Variants in KLHL32 observed in about 807,000 individuals in gnomAD.
KLHL32 encodes the protein kelch-like protein 32.
Under a neutral mutation model 64.8 loss-of-function variants are expected in KLHL32, and 35 were observed. The observed-to-expected ratio is 0.54, with a 90% CI of 0.41 to 0.72. The LOEUF (loss-of-function observed/expected upper bound fraction) is 0.72, where lower values mean the gene tolerates loss of function less well. KLHL32 is among the 30% of genes least tolerant of loss of function. The probability of loss-of-function intolerance (pLI) is 0.00; values close to 1 mark genes in which losing one functional copy is unlikely to be tolerated. For missense variants in KLHL32, 589 were observed against 768.5 expected (o/e 0.77, Z 2.76); for synonymous variants, 259 against 281.0 (o/e 0.92, Z 0.78).
At chr6:97,005,449 T>C (rs1283360117) in intron 3 of KLHL32, among the ~76,000 whole-genome samples, 5 of 152,160 alleles carry the variant, frequency 3.3e-5, no homozygotes, top group Admixed American at 1.3e-4. Flanking sequence ...TTTGTTGAAC[T>C]TTTGTATGGT....
At position 97,130,856 on chromosome 6, in the gene KLHL32, G is replaced by T; in HGVS notation, c.1513G>T (p.Asp505Tyr). The T allele has an allele frequency of 3.1e-6, 5 of 1,614,116 alleles. No individual in the cohort carries two copies. The highest frequency in any genetic ancestry group is 4.2e-6 in the Non-Finnish European group (5 of 1,179,980). Residue 505 changes from aspartate to tyrosine, a missense_variant, in exon 9 of 11, where the codon GAC becomes TAC. Coordinates refer to ENST00000369261, the MANE Select transcript of KLHL32 (RefSeq NM_052904.4). ...KLYVLGGNDL[D>Y]YNNDRILVRH... ...TTATGTTCTTGGAGGCAATGACCTA[G>T]ACTACAATAATGACCGGATCCTTGT...
intron 3 of KLHL32, among the ~76,000 whole-genome samples, chr6:97,024,795 A>T (rs941641387): frequency 9.9e-5 from 15 of 152,202 alleles, no homozygotes; most frequent in Non-Finnish European, 2.1e-4. Flanking sequence ...ATAGTTTTAA[A>T]GTAATAATAA....
chr6:97,113,272 T>C (rs1283894063), intron 6 of KLHL32, among the ~76,000 whole-genome samples: 1 of 152,204 alleles, frequency 6.6e-6, no homozygotes, highest in Non-Finnish European at 1.5e-5. Context: ...ATCATTCTGC[T>C]AGTGTTATGT....
chr6:96,990,589 G>C (rs1381671989), intron 3 of KLHL32, among the ~76,000 whole-genome samples: 2 of 152,162 alleles, frequency 1.3e-5, no homozygotes, highest in African/African-American at 2.4e-5. Flanking sequence ...CTCAGGCTTT[G>C]TGTGTCCTCT....
intron 2 of KLHL32, among the ~76,000 whole-genome samples, chr6:96,971,675 A>G (rs1342370485): frequency 6.6e-6 from 1 of 152,096 alleles, no homozygotes; most frequent in Non-Finnish European, 1.5e-5. Context: ...AAATACAGGG[A>G]CAGCAGTTCG....
intron 5 of KLHL32, among the ~76,000 whole-genome samples, chr6:97,075,742 T>TATG (rs2128168350): frequency 6.6e-6 from 1 of 152,312 alleles, no homozygotes; most frequent in Admixed American, 6.5e-5. Flanking sequence ...ACATAATACC[T>TATG]TGATTTATAA....
intron 5 of KLHL32, among the ~76,000 whole-genome samples, chr6:97,081,171 G>T (rs1310460344): frequency 1.3e-5 from 2 of 152,162 alleles, no homozygotes; most frequent in East Asian, 3.8e-4. Context: ...AAGGAGTGAG[G>T]GGGGAAAAGT....
At chr6:96,944,121 T>C (rs1388322130) in intron 1 of KLHL32, among the ~76,000 whole-genome samples, 3 of 152,284 alleles carry the variant, frequency 2.0e-5, no homozygotes, top group Admixed American at 2.0e-4. Context: ...ATATCAAAGA[T>C]GGGAGCAACT....
intron 3 of KLHL32, among the ~76,000 whole-genome samples, chr6:96,997,483 C>T (rs72926883): frequency 0.055 from 8,403 of 152,106 alleles, 303 homozygotes; most frequent in Middle Eastern, 0.12. Context: ...CATGGTGGCT[C>T]GTAAATGTAA....
At chr6:97,096,446 C>T (rs1795001793) in intron 6 of KLHL32, among the ~76,000 whole-genome samples, 1 of 152,218 alleles carries the variant, frequency 6.6e-6, no homozygotes, top group Non-Finnish European at 1.5e-5. Flanking sequence ...TTCACCACTC[C>T]AAGCGTATAT....
At chr6:96,960,179 T>C (rs568086204) in intron 1 of KLHL32, among the ~76,000 whole-genome samples, 2 of 152,314 alleles carry the variant, frequency 1.3e-5, no homozygotes, top group East Asian at 3.9e-4. Context: ...ATCTTCATCA[T>C]TATCATCATT....
At chr6:97,072,254 A>G (rs111532691) in intron 5 of KLHL32, among the ~76,000 whole-genome samples, 4 of 152,186 alleles carry the variant, frequency 2.6e-5, no homozygotes, top group Non-Finnish European at 4.4e-5. Flanking sequence ...ACTGTCTTCA[A>G]TCAGATCCAC....
chr6:97,014,158 G>A (rs1780795650), intron 3 of KLHL32, among the ~76,000 whole-genome samples: 1 of 152,076 alleles, frequency 6.6e-6, no homozygotes, highest in Non-Finnish European at 1.5e-5. Context: ...GCCGGGCGTT[G>A]TGGTGGGCGC....
intron 4 of KLHL32, among the ~76,000 whole-genome samples, chr6:97,061,219 C>G (rs1411559439): frequency 6.6e-6 from 1 of 152,128 alleles, no homozygotes; most frequent in Non-Finnish European, 1.5e-5. Flanking sequence ...AACCTGTTTG[C>G]AAATCTGGAG....
intron 3 of KLHL32, among the ~76,000 whole-genome samples, chr6:96,987,554 T>C (rs369065807): frequency 6.6e-6 from 1 of 152,184 alleles, no homozygotes; most frequent in African/African-American, 2.4e-5. Context: ...TTCAATGCCA[T>C]CCCCATCAAG....
intron 5 of KLHL32, among the ~76,000 whole-genome samples, chr6:97,076,172 C>T (rs1791563000): frequency 6.6e-6 from 1 of 152,148 alleles, no homozygotes; most frequent in Admixed American, 6.5e-5. Flanking sequence ...CCCTGCTTAT[C>T]TCCAGTGAAG....
chr6:97,064,533 A>G (rs1789406654), intron 4 of KLHL32, 95 bp from the exon 5 acceptor site: 1 of 810,302 alleles, frequency 1.2e-6, no homozygotes, highest in East Asian at 2.7e-5. Context: ...TACGTAAAGC[A>G]GCAATTTAAA....
chr6:97,071,048 A>G (rs1410868458), intron 5 of KLHL32, among the ~76,000 whole-genome samples: 2 of 151,920 alleles, frequency 1.3e-5, no homozygotes, highest in Non-Finnish European at 2.9e-5. Flanking sequence ...CTCCTACTTT[A>G]CTGGCACTTT....
At chr6:97,075,403 G>T (rs1319592727) in intron 5 of KLHL32, among the ~76,000 whole-genome samples, 1 of 151,916 alleles carries the variant, frequency 6.6e-6, no homozygotes, top group Non-Finnish European at 1.5e-5. Flanking sequence ...ATCTGAGTTT[G>T]ATTATTTTAT....
Sources: allele counts gnomAD v4.1 joint callset (sites outside exome capture counted in the v4.1 genomes callset), GRCh38; gene constraint gnomAD v4.1.1; transcripts MANE v1.5; gene names NCBI Gene and HGNC (gene_info 2026-07-23, HGNC 2026-07-21).